PEX5L: variants seen among roughly 807,000 people sequenced by gnomAD.
PEX5L encodes the protein PEX5-related protein.
In PEX5L, 30 loss-of-function variants were observed where a neutral mutation model predicts 84.0. That is an observed-to-expected ratio of 0.36 (90% CI 0.27 to 0.48). The LOEUF is 0.48. Ranked by LOEUF, PEX5L falls within the 20% of genes least tolerant of loss-of-function variation. The pLI, the probability that PEX5L is intolerant of heterozygous loss-of-function variation, is 0.99. For synonymous variants in PEX5L, 270 were observed against 283.1 expected (o/e 0.95, Z 0.46); for missense variants, 533 against 754.6 (o/e 0.71, Z 3.44).
chr3:180,012,268 G>T (rs1195901384), intron 1 of PEX5L, among the ~76,000 whole-genome samples: 1 of 152,062 alleles, frequency 6.6e-6, no homozygotes, highest in Non-Finnish European at 1.5e-5. Context: ...ATAATAGACA[G>T]ATATTTTGCC....
At chr3:180,034,890 C>T (rs1376472023) in intron 1 of PEX5L, among the ~76,000 whole-genome samples, 2 of 152,104 alleles carry the variant, frequency 1.3e-5, no homozygotes, top group African/African-American at 2.4e-5. Flanking sequence ...TGAAATTAAA[C>T]CCTCAGACAT....
At chr3:179,969,136 T>C (rs1172064780) in intron 2 of PEX5L, among the ~76,000 whole-genome samples, 1 of 152,096 alleles carries the variant, frequency 6.6e-6, no homozygotes, top group African/African-American at 2.4e-5. Flanking sequence ...AATGACAGAT[T>C]TAAAGAAATT....
intron 11 of PEX5L, among the ~76,000 whole-genome samples, chr3:179,811,159 A>C (rs1723633408): frequency 6.6e-6 from 1 of 152,134 alleles, no homozygotes; most frequent in Admixed American, 6.5e-5. Context: ...TAGGATTTAT[A>C]CACATACATT....
Position 179,973,324 on chromosome 3 carries a change from C to T in PEX5L, c.22-1659G>A, listed in dbSNP as rs568746426. On this transcript the variant is annotated intron_variant, in intron 1 of 14. Transcript: ENST00000467460. ...CTGACCAGAGAACCACAGATCTTGCCCAGGAACAGCATTAATAATGTACAA... is the reference window on the plus strand; with the variant it reads ...CTGACCAGAGAACCACAGATCTTGCTCAGGAACAGCATTAATAATGTACAA... 8.8e-6 allele frequency: 11 copies of T among 1,251,942 alleles called. No homozygotes were observed. In the South Asian group the frequency reaches 1.5e-4, roughly 17 times the overall value. 77.6% of individuals were successfully genotyped at this position (1,251,942 alleles called of 1,614,324 possible).
At position 179,871,502 on chromosome 3, in the gene PEX5L, T is replaced by C. The variant is rs562509392; in HGVS notation, c.726+2825A>G. On this transcript the variant is annotated intron_variant, in intron 7 of 14. Transcript: ENST00000467460. The stretch of plus-strand genomic sequence containing the variant: ...TAAAAGACAAAATATTTATTTATGC[T>C]TCTAACAGTATATTGTTAAATCAAC... 1.3e-3 allele frequency among the ~76,000 whole-genome samples: 205 copies of C among 152,352 alleles called. 1 individual carries two copies. Among genetic ancestry groups the C allele is most frequent in the Non-Finnish European group, 7.1e-4 (48 of 68,028 alleles).
intron 1 of PEX5L, among the ~76,000 whole-genome samples, chr3:179,998,690 AAG>A (rs1217889236): frequency 2.6e-5 from 4 of 152,214 alleles, no homozygotes; most frequent in Admixed American, 6.5e-5. Context: ...TCTAGCGATA[AAG>A]TGGGCCATGG....
At position 179,808,375 on chromosome 3, in the gene PEX5L, A is replaced by G; in HGVS notation, c.1415T>C (p.Ile472Thr). The G allele has an allele frequency of 6.3e-7, 1 of 1,593,386 alleles. No individual in the cohort carries two copies. Among genetic ancestry groups the G allele is most frequent in the South Asian group, 1.1e-5 (1 of 87,206 alleles). The change falls in exon 13 of 15, where the codon ATC (isoleucine) becomes ACC (threonine). Residue 472 changes from isoleucine (I) to threonine (T), a missense_variant. By Grantham distance (89) the Ile-to-Thr change is moderately conservative (BLOSUM62 -1). Coordinates refer to ENST00000467460, the MANE Select transcript of PEX5L (RefSeq NM_016559.3). Reference sequence around the variant, plus strand: ...TAGACCTGTCTGCAGGTCTGGGTCGATCATATCTCCATTTTGGTGGGCAGC... The same window carrying G: ...TAGACCTGTCTGCAGGTCTGGGTCGGTCATATCTCCATTTTGGTGGGCAGC... ...LEAAHQNGDM[I>T]DPDLQTGLGV...
chr3:179,825,201 T>C lies in PEX5L; in HGVS notation c.823-5225A>G, dbSNP rs1014147344. Among the ~76,000 whole-genome samples the C allele has an allele frequency of 2.0e-5, 3 of 152,338 alleles. No individual in the cohort carries two copies. In the South Asian group the frequency reaches 6.2e-4, roughly 32 times the overall value. On this transcript the variant is annotated intron_variant, in intron 8 of 14. Coordinates refer to ENST00000467460, the MANE Select transcript of PEX5L (RefSeq NM_016559.3). ...CCTGCTAACACAATCATCAGGGGGA[T>C]GCTGAGAGCTGAGCAAACCAGCCCA... is the stretch of plus-strand genomic sequence containing the variant.
At chr3:179,923,445 C>G (rs1256940315) in intron 2 of PEX5L, among the ~76,000 whole-genome samples, 1 of 152,118 alleles carries the variant, frequency 6.6e-6, no homozygotes, top group Non-Finnish European at 1.5e-5. Flanking sequence ...CAAAATGCAG[C>G]ACCTGCATCA....
At chr3:180,004,350 A>G (rs1302281040) in intron 1 of PEX5L, among the ~76,000 whole-genome samples, 1 of 152,210 alleles carries the variant, frequency 6.6e-6, no homozygotes, top group East Asian at 1.9e-4. Flanking sequence ...AAGAATATTT[A>G]TTTTATGGTA....
intron 14 of PEX5L, among the ~76,000 whole-genome samples, chr3:179,806,945 G>A (rs189755458): frequency 6.6e-6 from 1 of 152,146 alleles, no homozygotes. Context: ...CTAACATTTA[G>A]TTCTTTTTCC....
At chr3:179,855,370 C>T (rs1238150676) in intron 8 of PEX5L, among the ~76,000 whole-genome samples, 1 of 152,172 alleles carries the variant, frequency 6.6e-6, no homozygotes, top group Non-Finnish European at 1.5e-5. Context: ...ATCTGCATCA[C>T]CATTCTTTGT....
Position 180,000,358 on chromosome 3 carries a change from AG to A in PEX5L, c.22-28694del, listed in dbSNP as rs576642841. ...GTAAGGAAGAGTATGCATGGAATAC[AG>A]GAGATCCATTAGGGTGTCTCTTAGT... On this transcript the variant is annotated intron_variant, in intron 1 of 14. Coordinates refer to ENST00000467460, the MANE Select transcript of PEX5L (RefSeq NM_016559.3). Among the ~76,000 whole-genome samples, 78 of 152,340 alleles carry A rather than the reference AG, an allele frequency of 5.1e-4. 1 individual carries two copies. The highest frequency in any genetic ancestry group is 1.8e-3 in the African/African-American group (73 of 41,580).
intron 5 of PEX5L, among the ~76,000 whole-genome samples, chr3:179,877,120 A>C (rs1442199109): frequency 1.3e-5 from 2 of 152,200 alleles, no homozygotes; most frequent in East Asian, 3.8e-4. Context: ...AAGATTTCAG[A>C]TTTTCGAATT....
At chr3:179,992,197 T>C (rs1787445980) in intron 1 of PEX5L, among the ~76,000 whole-genome samples, 1 of 152,210 alleles carries the variant, frequency 6.6e-6, no homozygotes, top group Non-Finnish European at 1.5e-5. Flanking sequence ...CCCAGCCTCA[T>C]AGAAGTGTCC....
chr3:179,807,747 G>A lies in PEX5L; in HGVS notation c.1603C>T (p.Leu535=), dbSNP rs1340784744. The A allele has an allele frequency of 7.4e-6, 12 of 1,614,158 alleles. No individual in the cohort carries two copies. The South Asian group carries it at 1.3e-4, about 18-fold the overall frequency. Residue 535 remains leucine (L), a synonymous_variant, in exon 14 of 15, where the codon CTG becomes TTG. Transcript: ENST00000467460. Reference sequence around the variant, plus strand: ...CGGATGAATCCTGGCTGAATCTCCAGTGCTCGCGTATAGGCCTCCACGGCT... The same window carrying A: ...CGGATGAATCCTGGCTGAATCTCCAATGCTCGCGTATAGGCCTCCACGGCT... The part of the protein sequence containing the change: ...EEAVEAYTRA[L]EIQPGFIRSR...
chr3:179,983,424 T>C (rs1005624229), intron 1 of PEX5L, among the ~76,000 whole-genome samples: 4 of 151,986 alleles, frequency 2.6e-5, no homozygotes, highest in Non-Finnish European at 5.9e-5. Flanking sequence ...CCCTGATGGT[T>C]CTTCAGAAAC....
In PEX5L at chr3:179,839,037, GA is replaced by G. The variant is rs200215475; in HGVS notation, c.823-19062del. 4.6e-3 allele frequency among the ~76,000 whole-genome samples: 670 copies of G among 146,010 alleles called. 6 individuals carry two copies. Among genetic ancestry groups the G allele is most frequent in the East Asian group, 0.029 (147 of 4,994 alleles). On this transcript the variant is annotated intron_variant, in intron 8 of 14. Transcript: ENST00000467460. ...AAGAAAGGCTTTCTCATTTGAGAAAGAAAAAAAAAATCTATTTTTTTTTCGG... is the reference window on the plus strand; with the variant it reads ...AAGAAAGGCTTTCTCATTTGAGAAAGAAAAAAAAATCTATTTTTTTTTCGG...
intron 1 of PEX5L, among the ~76,000 whole-genome samples, chr3:180,001,350 A>T (rs2110422647): frequency 6.8e-6 from 1 of 148,056 alleles, no homozygotes; most frequent in South Asian, 2.1e-4. Flanking sequence ...AAAATATATA[A>T]TATATATGGA....
Sources: allele counts gnomAD v4.1 joint callset (sites outside exome capture counted in the v4.1 genomes callset), GRCh38; gene constraint gnomAD v4.1.1; transcripts MANE v1.5; gene names NCBI Gene and HGNC (gene_info 2026-07-23, HGNC 2026-07-21).